HUWE1: variants seen among roughly 807,000 people sequenced by gnomAD.
The protein encoded by HUWE1 is HECT, UBA and WWE domain containing E3 ubiquitin protein ligase 1, also known as E3 ubiquitin-protein ligase HUWE1.
A neutral mutation model predicts 299.4 loss-of-function variants in HUWE1; 18 were observed. That is an observed-to-expected ratio of 0.06 (90% confidence interval 0.04 to 0.09). The LOEUF is 0.09. Ranked by LOEUF, HUWE1 falls within the 10% of genes least tolerant of loss-of-function variation. The pLI is 1.00. For missense variants in HUWE1, 1,832 were observed against 3,462.3 expected, an observed-to-expected ratio of 0.53 and a Z score of 11.82; for synonymous variants, 1,317 against 1,286.1, an observed-to-expected ratio of 1.02 and a Z score of -0.51.
intron 49 of HUWE1, among the ~76,000 whole-genome samples, chrX:53,566,125 G>A (rs1485298075): frequency 1.3e-4 from 5 of 38,517 alleles, no homozygotes; most frequent in African/African-American, 4.9e-4. Flanking sequence ...GTATGTGTGT[G>A]TGTGTGTGTA....
intron 43 of HUWE1, among the ~76,000 whole-genome samples, chrX:53,578,860 G>GA (rs2063400119): frequency 7.9e-5 from 6 of 76,222 alleles, no homozygotes; most frequent in Admixed American, 1.3e-4. Flanking sequence ...GAGGTGGGGG[G>GA]TCAGCCCCCC....
At chrX:53,665,801 C>T (rs980629198) in intron 3 of HUWE1, among the ~76,000 whole-genome samples, 2 of 112,238 alleles carry the variant, frequency 1.8e-5, no homozygotes, top group Admixed American at 9.4e-5. Context: ...TCCTTGTCTA[C>T]ACATTTTAAA....
chrX:53,607,747 C>T, intron 24 of HUWE1, 48 bp from the exon 25 acceptor site: 2 of 868,057 alleles, frequency 2.3e-6, no homozygotes, highest in Non-Finnish European at 3.4e-6. Flanking sequence ...ACAGGTGGAA[C>T]TAAATGGCCA....
intron 45 of HUWE1, 127 bp downstream of exon 45, chrX:53,575,516 A>G (rs2063060418): frequency 1.3e-6 from 1 of 780,154 alleles, no homozygotes; most frequent in African/African-American, 2.1e-5. Context: ...CTTTACAGGC[A>G]ACAGATAATT....
In HUWE1 at chrX:53,604,573, CT is replaced by C; in HGVS notation, c.2742+15del. On this transcript the variant is annotated intron_variant, in intron 26 of 83. Transcript: ENST00000262854. ...TGCCTTTAAATTAATATGTTCACCC[CT>C]AAGGTTATTTTTACCTGTCCAACTC... The C allele has an allele frequency of 2.5e-6, 3 of 1,209,505 alleles. No homozygotes were observed. The highest frequency in any genetic ancestry group is 2.3e-4 in the Middle Eastern group (1 of 4,339).
At chrX:53,629,284 A>G (rs2066716234) in intron 13 of HUWE1, among the ~76,000 whole-genome samples, 1 of 111,927 alleles carries the variant, frequency 8.9e-6, no homozygotes, top group Non-Finnish European at 1.9e-5. Context: ...GACAGGTCAC[A>G]GTTAAAATGC....
intron 23 of HUWE1, among the ~76,000 whole-genome samples, chrX:53,612,073 A>G (rs2065514764): frequency 9.0e-6 from 1 of 111,270 alleles, no homozygotes; most frequent in African/African-American, 3.3e-5. Context: ...AAAGTACACA[A>G]TTCCCCTATA....
chrX:53,559,652 T>TGTG (rs1556938936), intron 56 of HUWE1, 120 bp from the exon 57 acceptor site: 1 of 619,704 alleles, frequency 1.6e-6, no homozygotes, highest in Non-Finnish European at 2.6e-6. Flanking sequence ...ATAAACCTGA[T>TGTG]GATGTGCACA....
At chrX:53,545,212 G>A (rs1792842689) in intron 70 of HUWE1, 51 bp from the exon 71 acceptor site, 2 of 1,156,111 alleles carry the variant, frequency 1.7e-6, no homozygotes, top group South Asian at 1.9e-5. Flanking sequence ...CTGGTAAAGT[G>A]GCTAAAAGCC....
intron 43 of HUWE1, among the ~76,000 whole-genome samples, chrX:53,578,251 G>A (rs1371271217): frequency 2.0e-5 from 2 of 99,509 alleles, no homozygotes; most frequent in African/African-American, 7.4e-5. Context: ...CTGCCCGGCC[G>A]CCGCCCCGTC....
Position 53,546,761 on chromosome X carries a change from T to C in HUWE1, c.10701A>G (p.Thr3567=). 8.3e-7 allele frequency: 1 copy of C among 1,210,766 alleles called. No individual in the cohort carries two copies. The highest frequency in any genetic ancestry group is 1.1e-6 in the Non-Finnish European group (1 of 894,681). ...AKVSDGGSSS[T]DFKMVSSGLT... ...GGCCAGAGGACACCATCTTAAAGTC[T>C]GTACTGCTGCTGCCCCCATCACTCA... Residue 3567 remains threonine (T), a synonymous_variant, in exon 69 of 84, where the codon ACA becomes ACG. Transcript: ENST00000262854.
intron 13 of HUWE1, 77 bp downstream of exon 13, chrX:53,629,439 C>CA (rs2066728420): frequency 1.8e-5 from 12 of 681,885 alleles, no homozygotes; most frequent in South Asian, 6.6e-5. Context: ...CCTCCCCCCC[C>CA]AAAAAAGTCT....
At chrX:53,576,391 A>T (rs1036945639) in intron 44 of HUWE1, among the ~76,000 whole-genome samples, 5 of 112,020 alleles carry the variant, frequency 4.5e-5, no homozygotes, top group African/African-American at 1.6e-4. Context: ...ATAAAGGTGG[A>T]TGGGTGTGGT....
chrX:53,618,848 C>T (rs782058224), intron 19 of HUWE1, among the ~76,000 whole-genome samples: 1 of 108,525 alleles, frequency 9.2e-6, no homozygotes, highest in African/African-American at 3.4e-5. Context: ...TAGGCGTGAG[C>T]CACCGTGCCC....
rs781791165 is a variant in HUWE1 at position 53,603,459 on chromosome X, A to C, written c.2785T>G (p.Leu929Val). The C allele has an allele frequency of 8.3e-7, 1 of 1,206,678 alleles. No homozygotes were observed. The highest frequency in any genetic ancestry group is 1.1e-6 in the Non-Finnish European group (1 of 892,501). ...AGCTTGCTCAAAACACTCAGACCCA[A>C]TTGAGAGCCCCACTGGTTTACGGAG... is the stretch of plus-strand genomic sequence containing the variant. The part of the protein sequence containing the change: ...SISVNQWGSQ[L>V]GLSVLSKLSQ... The change falls in exon 27 of 84, where the codon TTG (leucine) becomes GTG (valine). Residue 929 changes from leucine (L) to valine (V), a missense_variant. Physicochemically the swap from Leu to Val is conservative, Grantham distance 32 (BLOSUM62 1). Coordinates refer to ENST00000262854, the MANE Select transcript of HUWE1 (RefSeq NM_031407.7).
intron 83 of HUWE1, chrX:53,533,717 G>A: frequency 2.3e-6 from 1 of 439,516 alleles, no homozygotes; most frequent in Non-Finnish European, 4.0e-6. Flanking sequence ...CCTCTGCTGA[G>A]CTCTTTAGAC....
intron 59 of HUWE1, among the ~76,000 whole-genome samples, chrX:53,558,446 T>C (rs1194544822): frequency 8.9e-6 from 1 of 112,208 alleles, no homozygotes; most frequent in Non-Finnish European, 1.9e-5. Context: ...CTCCAGTTTT[T>C]CCCTTGACAC....
At position 53,631,584 on chromosome X, in the gene HUWE1, T is replaced by C. The variant is rs1241433259; in HGVS notation, c.676A>G (p.Ile226Val). 1.7e-6 allele frequency: 2 copies of C among 1,198,330 alleles called. No homozygotes were observed. Among genetic ancestry groups the C allele is most frequent in the African/African-American group, 1.8e-5 (1 of 56,856 alleles). ...TTSNTLHYIH[I>V]EQLDKISESP... ...CCTCTTACCTTGTCAAGTTGCTCTA[T>C]GTGAATATAATGTAGTGTGTTACTA... Residue 226 changes from isoleucine to valine, a missense_variant, in exon 10 of 84, where the codon ATA becomes GTA. By Grantham distance (29) the Ile-to-Val change is conservative. Coordinates refer to ENST00000262854, the MANE Select transcript of HUWE1 (RefSeq NM_031407.7).
At chrX:53,545,712 T>G (rs1556922144) in intron 70 of HUWE1, among the ~76,000 whole-genome samples, 1 of 111,580 alleles carries the variant, frequency 9.0e-6, no homozygotes. Context: ...GTAATTTTCA[T>G]GCAGCAAAGA....
Sources: gnomAD v4.1 joint callset for allele counts (sites outside exome capture counted in the v4.1 genomes callset) on GRCh38, gnomAD v4.1.1 for gene constraint, MANE v1.5 for transcripts, NCBI Gene and HGNC (gene_info 2026-07-23, HGNC 2026-07-21) for gene names.